The following UGT1A6 variants were observed in gnomAD, a reference collection of about 807,000 sequenced individuals.
UGT1A6 encodes UDP glucuronosyltransferase family 1 member A6.
UGT1A6 carries 32 observed loss-of-function variants against 44.4 expected under a neutral mutation model. The observed-to-expected ratio is 0.72, with a 90% CI of 0.54 to 0.97. The LOEUF is 0.97. UGT1A6 is among the 50% of genes least tolerant of loss of function. UGT1A6 has a pLI of 0.00. For missense variants in UGT1A6, 685 were observed against 661.9 expected, an observed-to-expected ratio of 1.03 and a Z score of -0.38; for synonymous variants, 238 against 248.5, an observed-to-expected ratio of 0.96 and a Z score of 0.40.
intron 1 of UGT1A6, chr2:233,755,285 A>T (rs1468695441): frequency 1.5e-6 from 1 of 681,694 alleles, no homozygotes; most frequent in African/African-American, 1.9e-5. Flanking sequence ...ACTGCCAAAG[A>T]GCCTGCGGGG....
At chr2:233,703,921 C>T (rs932239618) in intron 1 of UGT1A6, among the ~76,000 whole-genome samples, 8 of 151,492 alleles carry the variant, frequency 5.3e-5, no homozygotes, top group African/African-American at 1.9e-4. Context: ...GACAAAATCT[C>T]ATTCTGTTAC....
At chr2:233,762,024 A>T (rs1393568604) in intron 1 of UGT1A6, among the ~76,000 whole-genome samples, 1 of 151,856 alleles carries the variant, frequency 6.6e-6, no homozygotes, top group Non-Finnish European at 1.5e-5. Context: ...TTTGTATTTT[A>T]TTTTTTTTAA....
intron 3 of UGT1A6, 36 bp downstream of exon 3, chr2:233,767,972 G>C (rs1383669551): frequency 1.9e-6 from 3 of 1,613,998 alleles, no homozygotes; most frequent in Non-Finnish European, 2.5e-6. Context: ...GGTCAAACCA[G>C]GGTCAAATTA....
chr2:233,700,815 G>T (rs940523054), intron 1 of UGT1A6, among the ~76,000 whole-genome samples: 1 of 151,950 alleles, frequency 6.6e-6, no homozygotes, highest in African/African-American at 2.4e-5. Flanking sequence ...TTGGTGTGCT[G>T]CACCCATTAA....
intron 1 of UGT1A6, among the ~76,000 whole-genome samples, chr2:233,707,461 T>C (rs1015244462): frequency 6.6e-6 from 1 of 152,148 alleles, no homozygotes; most frequent in Admixed American, 6.5e-5. Context: ...TAAATTTGCA[T>C]CTGTAAATAA....
At position 233,769,913 on chromosome 2, in the gene UGT1A6, C is replaced by A. The variant is rs1699980310; in HGVS notation, c.1301+1474C>A. The A allele has an allele frequency of 6.7e-6, 2 of 297,578 alleles. No homozygotes were observed. The highest frequency in any genetic ancestry group is 2.1e-5 in the African/African-American group (1 of 46,750). The allele number at this position is 297,578 out of a possible 1,614,324, so 18.4% of individuals were successfully genotyped here. A position where few individuals can be genotyped will look rare whatever the true frequency, so the allele number is the denominator to read the frequency against. On this transcript the variant is annotated intron_variant, in intron 4 of 4. Coordinates refer to ENST00000305139, the MANE Select transcript of UGT1A6 (RefSeq NM_001072.4). This position sits in a 1 kb window ranked among gnomAD's most constrained non-coding sequence, Gnocchi z 4.4. ...TAACCTGAGCATCATGTGCCCAGAG[C>A]GTTGGGTGGTGTGGTCCCATTCCTT... is the stretch of plus-strand genomic sequence containing the variant.
intron 1 of UGT1A6, chr2:233,761,266 C>T: frequency 1.3e-6 from 2 of 1,594,552 alleles, no homozygotes; most frequent in South Asian, 1.1e-5. Context: ...ATTTAAAATG[C>T]CCTCTTTTGT....
rs375082638 is a variant in UGT1A6 at position 233,764,736 on chromosome 2, G to A, written c.862-2298G>A. Among the ~76,000 whole-genome samples the A allele has an allele frequency of 2.0e-5, 3 of 152,156 alleles. 1 individual carries two copies. The East Asian group carries it at 5.8e-4, about 29-fold the overall frequency. On this transcript the variant is annotated intron_variant, in intron 1 of 4. Coordinates refer to ENST00000305139, the MANE Select transcript of UGT1A6 (RefSeq NM_001072.4). ...CCCAAGAAAGAGGGAGAGAAAGAGGGGAGAGATGTGGTGCAGACCCTAGGG... is the reference window on the plus strand; with the variant it reads ...CCCAAGAAAGAGGGAGAGAAAGAGGAGAGAGATGTGGTGCAGACCCTAGGG...
chr2:233,714,809 G>C (rs545646081), intron 1 of UGT1A6, among the ~76,000 whole-genome samples: 1 of 152,174 alleles, frequency 6.6e-6, no homozygotes, highest in Admixed American at 6.5e-5. Flanking sequence ...ATATTCATAT[G>C]TAGTTAGTGA....
rs1699315314 is a variant in UGT1A6, at chr2:233,767,062, G to A, written c.890G>A (p.Gly297Glu). The A allele has an allele frequency of 6.2e-7, 1 of 1,613,966 alleles. No individual in the cohort carries two copies. The highest frequency in any genetic ancestry group is 8.5e-7 in the Non-Finnish European group (1 of 1,180,016). Residue 297 changes from glycine (G) to glutamate (E), a missense_variant, in exon 2 of 5, where the codon GGA becomes GAA. Gly to Glu is a moderately conservative substitution (Grantham distance 98). Transcript: ENST00000305139. ...QEFEAYINAS[G>E]EHGIVVFSLG... is the part of the protein sequence containing the mutation. ...TTTGAAGCCTACATTAATGCTTCTG[G>A]AGAACATGGAATTGTGGTTTTCTCT...
chr2:233,753,719 T>C (rs1290190977), intron 1 of UGT1A6: 1 of 152,208 alleles, frequency 6.6e-6, no homozygotes, highest in Non-Finnish European at 1.5e-5. Flanking sequence ...TCAACCTAAT[T>C]TGATATGCCC....
intron 1 of UGT1A6, chr2:233,755,272 T>C (rs1695839667): frequency 2.6e-6 from 2 of 758,302 alleles, no homozygotes. Context: ...TCCACTATGC[T>C]GGACTGCCAA....
chr2:233,772,116 AAACAAC>A, intron 4 of UGT1A6, 140 bp from the exon 5 acceptor site: 1 of 1,531,302 alleles, frequency 6.5e-7, no homozygotes, highest in Non-Finnish European at 8.8e-7. Context: ...CTGTATCTAA[AAACAAC>A]AACAACAACA....
chr2:233,755,430 C>T (rs1467633549), intron 1 of UGT1A6: 1 of 318,494 alleles, frequency 3.1e-6, no homozygotes, highest in African/African-American at 2.2e-5. Flanking sequence ...GCCTCGCATC[C>T]CAAGATGCAG....
rs532123435 is a variant in UGT1A6 at position 233,768,784 on chromosome 2, ATGTT to A, written c.1301+349_1301+352del. Among the ~76,000 whole-genome samples the A allele has an allele frequency of 2.0e-5, 3 of 151,986 alleles. No homozygotes were observed. The South Asian group carries it at 6.2e-4, about 32-fold the overall frequency. On this transcript the variant is annotated intron_variant, in intron 4 of 4. Coordinates refer to ENST00000305139, the MANE Select transcript of UGT1A6 (RefSeq NM_001072.4). ...TTTTTAGTAGAGAAAGGGTTTCACC[ATGTT>A]TGTCAGGCTGGTCTTGAACTCCTGA...
intron 1 of UGT1A6, chr2:233,729,134 C>T (rs143371539): frequency 2.5e-6 from 4 of 1,613,290 alleles, no homozygotes; most frequent in Middle Eastern, 1.8e-4. Flanking sequence ...GAGATGGCCA[C>T]AGGACTCCAG....
chr2:233,725,279 GGCAGAGGCA>G (rs560438122), intron 1 of UGT1A6, among the ~76,000 whole-genome samples: 3 of 44,338 alleles, frequency 6.8e-5, no homozygotes, highest in East Asian at 1.5e-3. Flanking sequence ...CAGAGGCAGA[GGCAGAGGCA>G]GAGGCAGAGG....
At chr2:233,713,515 A>G (rs2125634439) in intron 1 of UGT1A6, 1 of 1,613,910 alleles carries the variant, frequency 6.2e-7, no homozygotes. Context: ...TTCTTGAGGA[A>G]CATTCCATGT....
chr2:233,767,002 A>C, intron 1 of UGT1A6, 32 bp from the exon 2 acceptor site: 2 of 1,613,784 alleles, frequency 1.2e-6, no homozygotes, highest in Non-Finnish European at 1.7e-6. Flanking sequence ...ATATGAGAAA[A>C]AATTAACTGA....
Sources: gnomAD v4.1 joint callset for allele counts (sites outside exome capture counted in the v4.1 genomes callset) on GRCh38, gnomAD v4.1.1 for gene constraint, Gnocchi (gnomAD v3.1) non-coding constraint, MANE v1.5 for transcripts, NCBI Gene and HGNC (gene_info 2026-07-23, HGNC 2026-07-21) for gene names.